NKAIN2: variants seen among roughly 807,000 people sequenced by gnomAD.
NKAIN2 encodes the protein sodium/potassium-transporting ATPase subunit beta-1-interacting protein 2.
NKAIN2 carries 14 observed loss-of-function variants against 32.6 expected under a neutral mutation model. That is an observed-to-expected ratio of 0.43 (90% CI 0.28 to 0.67). The LOEUF (loss-of-function observed/expected upper bound fraction) is 0.67. Ranked by LOEUF, NKAIN2 falls within the 30% of genes least tolerant of loss-of-function variation. The probability of loss-of-function intolerance (pLI) is 0.17; values close to 1 mark genes in which losing one functional copy is unlikely to be tolerated. For synonymous variants in NKAIN2, 80 were observed against 87.2 expected, an observed-to-expected ratio of 0.92 and a Z score of 0.46; for missense variants, 198 against 258.3, an observed-to-expected ratio of 0.77 and a Z score of 1.60.
chr6:124,108,451 A>G (rs540933575), intron 1 of NKAIN2, among the ~76,000 whole-genome samples: 109 of 152,160 alleles, frequency 7.2e-4, no homozygotes, highest in African/African-American at 2.1e-3. Context: ...TATAGTTTGT[A>G]AAAATTTTCT....
rs373057967 is a variant in NKAIN2, at chr6:124,391,739, G to A, written c.273+36392G>A. Among the ~76,000 whole-genome samples, 106 of 152,254 alleles carry A rather than the reference G, an allele frequency of 7.0e-4. 3 individuals carry two copies. In the South Asian group the frequency reaches 0.021, roughly 31 times the overall value. On this transcript the variant is annotated intron_variant, in intron 3 of 6. Transcript: ENST00000368417. ...GGATGTTCAAAGACCAGGAAATAATGTGAAAAGACCGAGTCTATTTATAAA... is the reference window on the plus strand; with the variant it reads ...GGATGTTCAAAGACCAGGAAATAATATGAAAAGACCGAGTCTATTTATAAA...
chr6:124,665,310 C>T (rs1401747058), intron 4 of NKAIN2, among the ~76,000 whole-genome samples: 2 of 152,088 alleles, frequency 1.3e-5, no homozygotes, highest in African/African-American at 2.4e-5. Flanking sequence ...TAAAGACAAA[C>T]ATATAGACCA....
At chr6:123,978,843 G>A (rs746369277) in intron 1 of NKAIN2, among the ~76,000 whole-genome samples, 23 of 152,164 alleles carry the variant, frequency 1.5e-4, no homozygotes, top group Non-Finnish European at 2.9e-4. Context: ...TAGCTTCATG[G>A]TTAAATAGTT....
intron 1 of NKAIN2, among the ~76,000 whole-genome samples, chr6:124,147,430 A>C (rs536052288): frequency 9.2e-5 from 14 of 152,316 alleles, no homozygotes; most frequent in African/African-American, 3.4e-4. Flanking sequence ...ACTGGAAGAA[A>C]AAAAAATCCA....
intron 1 of NKAIN2, among the ~76,000 whole-genome samples, chr6:124,014,703 A>T (rs926445631): frequency 4.6e-5 from 7 of 152,094 alleles, no homozygotes; most frequent in African/African-American, 1.7e-4. Context: ...TAAATAATAA[A>T]ATAATAGTTA....
At chr6:123,984,802 G>C (rs769237109) in intron 1 of NKAIN2, among the ~76,000 whole-genome samples, 1 of 152,040 alleles carries the variant, frequency 6.6e-6, no homozygotes, top group Non-Finnish European at 1.5e-5. Flanking sequence ...ATTATCAAAT[G>C]ATACATAGCA....
At chr6:123,957,811 A>G (rs563294615) in intron 1 of NKAIN2, among the ~76,000 whole-genome samples, 7 of 152,190 alleles carry the variant, frequency 4.6e-5, no homozygotes, top group Non-Finnish European at 1.0e-4. Flanking sequence ...AAGAGGATAA[A>G]AAAGAGGTTA....
chr6:124,382,240 C>T (rs1772677066), intron 3 of NKAIN2, among the ~76,000 whole-genome samples: 1 of 151,988 alleles, frequency 6.6e-6, no homozygotes, highest in South Asian at 2.1e-4. Context: ...ATATTGTTTA[C>T]ATCCTTGATG....
intron 2 of NKAIN2, among the ~76,000 whole-genome samples, chr6:124,348,528 C>G (rs1374844094): frequency 1.3e-5 from 2 of 152,248 alleles, no homozygotes; most frequent in Non-Finnish European, 2.9e-5. Context: ...CTAATCAAGC[C>G]TGGGCAATGG....
intron 1 of NKAIN2, among the ~76,000 whole-genome samples, chr6:124,012,747 G>T (rs1418869651): frequency 6.6e-6 from 1 of 152,048 alleles, no homozygotes; most frequent in Non-Finnish European, 1.5e-5. Flanking sequence ...AGACACTTGG[G>T]TTGTTTCTAG....
At chr6:124,582,551 A>G (rs934599076) in intron 3 of NKAIN2, among the ~76,000 whole-genome samples, 11 of 152,142 alleles carry the variant, frequency 7.2e-5, no homozygotes, top group Admixed American at 3.9e-4. Flanking sequence ...ACTAATATCA[A>G]TGCTACTCAA....
intron 3 of NKAIN2, among the ~76,000 whole-genome samples, chr6:124,536,867 A>T (rs933538122): frequency 3.3e-5 from 5 of 152,234 alleles, no homozygotes; most frequent in African/African-American, 1.2e-4. Context: ...ACAAAAAGCA[A>T]ATAAGCATGA....
At chr6:124,284,846 C>G (rs1371576926) in intron 2 of NKAIN2, among the ~76,000 whole-genome samples, 1 of 151,616 alleles carries the variant, frequency 6.6e-6, no homozygotes, top group Non-Finnish European at 1.5e-5. Flanking sequence ...TAAAATAGAG[C>G]AAGGTGTTCT....
At chr6:124,311,908 G>T (rs937477825) in intron 2 of NKAIN2, among the ~76,000 whole-genome samples, 3 of 152,036 alleles carry the variant, frequency 2.0e-5, no homozygotes, top group African/African-American at 7.2e-5. Flanking sequence ...CACAGATAAA[G>T]CAAAAATGTA....
At chr6:124,329,659 T>C (rs775105047) in intron 2 of NKAIN2, among the ~76,000 whole-genome samples, 3 of 152,144 alleles carry the variant, frequency 2.0e-5, no homozygotes, top group Non-Finnish European at 4.4e-5. Context: ...TATAAGACAA[T>C]TACTGCATCA....
At chr6:124,104,144 C>T (rs546146399) in intron 1 of NKAIN2, among the ~76,000 whole-genome samples, 1 of 152,132 alleles carries the variant, frequency 6.6e-6, no homozygotes, top group African/African-American at 2.4e-5. Flanking sequence ...GGTTCTTTAC[C>T]TGTTTACCCC....
At chr6:124,476,852 T>G (rs568504996) in intron 3 of NKAIN2, among the ~76,000 whole-genome samples, 1 of 152,270 alleles carries the variant, frequency 6.6e-6, no homozygotes, top group South Asian at 2.1e-4. Context: ...TCCCACAGCA[T>G]ATGAAAGGGG....
chr6:124,822,712 T>A (rs189181744), intron 6 of NKAIN2, among the ~76,000 whole-genome samples: 6 of 152,116 alleles, frequency 3.9e-5, no homozygotes, highest in Admixed American at 3.9e-4. Flanking sequence ...AACAAATCAA[T>A]AACAACAAAG....
chr6:123,832,586 T>A (rs1025731098), intron 1 of NKAIN2, among the ~76,000 whole-genome samples: 4 of 152,336 alleles, frequency 2.6e-5, no homozygotes, highest in African/African-American at 9.6e-5. Flanking sequence ...TTCGCATTTC[T>A]ACAAACAATG....
Sources: allele counts gnomAD v4.1 joint callset (sites outside exome capture counted in the v4.1 genomes callset), GRCh38; gene constraint gnomAD v4.1.1; transcripts MANE v1.5; gene names NCBI Gene and HGNC (gene_info 2026-07-23, HGNC 2026-07-21).